Variants in MBD5 observed in about 807,000 individuals in gnomAD.
The protein encoded by MBD5 is methyl-CpG-binding domain protein 5.
A neutral mutation model predicts 117.3 loss-of-function variants in MBD5; 13 were observed. That is an observed-to-expected ratio of 0.11 (90% CI 0.07 to 0.18). The LOEUF is 0.18. Ranked by LOEUF, MBD5 falls within the 10% of genes least tolerant of loss-of-function variation. The pLI, the probability that MBD5 is intolerant of heterozygous loss-of-function variation, is 1.00. For missense variants in MBD5, 1,879 were observed against 2,093.8 expected (o/e 0.90, Z 2.00); for synonymous variants, 727 against 766.4 (o/e 0.95, Z 0.85).
At chr2:148,210,934 A>C (rs1157706350) in intron 2 of MBD5, among the ~76,000 whole-genome samples, 1 of 152,102 alleles carries the variant, frequency 6.6e-6, no homozygotes, top group Non-Finnish European at 1.5e-5. Flanking sequence ...AGAGAAGATT[A>C]TGTGATTGTA....
chr2:148,279,029 G>T (rs922736142), intron 3 of MBD5, among the ~76,000 whole-genome samples: 1 of 152,152 alleles, frequency 6.6e-6, no homozygotes, highest in African/African-American at 2.4e-5. Context: ...ATTGGATGGT[G>T]CCCACCCATG....
At chr2:148,315,244 A>G (rs1364497526) in intron 3 of MBD5, among the ~76,000 whole-genome samples, 1 of 152,182 alleles carries the variant, frequency 6.6e-6, no homozygotes, top group African/African-American at 2.4e-5. Flanking sequence ...TACCTTGCTG[A>G]AATCCCTCTT....
At chr2:148,196,830 G>C (rs1699001048) in intron 2 of MBD5, among the ~76,000 whole-genome samples, 1 of 151,704 alleles carries the variant, frequency 6.6e-6, no homozygotes, top group Non-Finnish European at 1.5e-5. Flanking sequence ...AGCAAAGGGA[G>C]TGGGGGTGCC....
intron 10 of MBD5, among the ~76,000 whole-genome samples, chr2:148,488,593 A>G (rs905287230): frequency 4.8e-5 from 7 of 145,972 alleles, no homozygotes; most frequent in African/African-American, 1.8e-4. Flanking sequence ...ATCATTGTGG[A>G]AAAAAATCTG....
At chr2:148,172,296 C>T (rs752560670) in intron 1 of MBD5, among the ~76,000 whole-genome samples, 2 of 152,248 alleles carry the variant, frequency 1.3e-5, no homozygotes, top group African/African-American at 4.8e-5. Flanking sequence ...GACACCTGCT[C>T]CTGCTGCCTG....
At chr2:148,033,497 G>A (rs1694099101) in intron 1 of MBD5, among the ~76,000 whole-genome samples, 1 of 152,042 alleles carries the variant, frequency 6.6e-6, no homozygotes, top group African/African-American at 2.4e-5. Flanking sequence ...TAAGTTTTAA[G>A]CCTCTTTGGA....
intron 4 of MBD5, among the ~76,000 whole-genome samples, chr2:148,365,331 G>A (rs1223279791): frequency 6.6e-6 from 1 of 152,094 alleles, no homozygotes; most frequent in Non-Finnish European, 1.5e-5. Flanking sequence ...CTGAGACACA[G>A]CCAAAGCAGT....
At chr2:148,071,724 A>C (rs1301024444) in intron 1 of MBD5, 2 of 152,192 alleles carry the variant, frequency 1.3e-5, no homozygotes, top group Non-Finnish European at 2.9e-5. Flanking sequence ...TGTCTTTAGA[A>C]TGCGTTCTGT....
At chr2:148,279,019 A>G (rs1163711657) in intron 3 of MBD5, among the ~76,000 whole-genome samples, 1 of 152,160 alleles carries the variant, frequency 6.6e-6, no homozygotes, top group Non-Finnish European at 1.5e-5. Context: ...CCCCCAAGCG[A>G]TTGGATGGTG....
At chr2:148,509,382 A>G (rs1279572521) in intron 12 of MBD5, among the ~76,000 whole-genome samples, 1 of 152,214 alleles carries the variant, frequency 6.6e-6, no homozygotes, top group Non-Finnish European at 1.5e-5. Flanking sequence ...TTCGGGCCAA[A>G]CATGTGTAAT....
At chr2:148,285,046 A>G (rs1701338558) in intron 3 of MBD5, among the ~76,000 whole-genome samples, 1 of 152,216 alleles carries the variant, frequency 6.6e-6, no homozygotes, top group Admixed American at 6.5e-5. Flanking sequence ...GGACCACAGC[A>G]GCTGTCTGGT....
intron 1 of MBD5, among the ~76,000 whole-genome samples, chr2:148,156,102 C>G (rs1423194079): frequency 1.3e-5 from 2 of 152,204 alleles, no homozygotes; most frequent in Non-Finnish European, 2.9e-5. Flanking sequence ...CCAGATCATA[C>G]ATGATATCTT....
chr2:148,180,688 G>A (rs986538640), intron 2 of MBD5, among the ~76,000 whole-genome samples: 9 of 151,732 alleles, frequency 5.9e-5, no homozygotes, highest in African/African-American at 1.9e-4. Flanking sequence ...GTGCCACCTC[G>A]CCCGGCATCT....
intron 4 of MBD5, among the ~76,000 whole-genome samples, chr2:148,349,877 A>G (rs1214858314): frequency 2.6e-5 from 4 of 152,038 alleles, no homozygotes; most frequent in African/African-American, 7.2e-5. Flanking sequence ...TTTTGGGGTT[A>G]CAATTTTCAC....
intron 4 of MBD5, among the ~76,000 whole-genome samples, chr2:148,437,499 A>C (rs1047497831): frequency 1.3e-5 from 2 of 152,154 alleles, no homozygotes; most frequent in Admixed American, 1.3e-4. Context: ...GAAAGTTACT[A>C]TCTCAAAAGA....
chr2:148,509,910 G>T, intron 12 of MBD5, 150 bp from the exon 13 acceptor site: 2 of 677,940 alleles, frequency 3.0e-6, no homozygotes, highest in South Asian at 3.3e-5. Context: ...AAGAATCCCA[G>T]AGTGATGTTT....
At chr2:148,110,383 A>C (rs1696478804) in intron 1 of MBD5, among the ~76,000 whole-genome samples, 1 of 152,180 alleles carries the variant, frequency 6.6e-6, no homozygotes, top group South Asian at 2.1e-4. Context: ...GTTAGTTTGC[A>C]TTAATTCTCT....
intron 3 of MBD5, among the ~76,000 whole-genome samples, chr2:148,266,032 A>C (rs1700851035): frequency 6.6e-6 from 1 of 152,162 alleles, no homozygotes; most frequent in Non-Finnish European, 1.5e-5. Flanking sequence ...TGTTTCAAGA[A>C]AAGAGGGAAA....
chr2:148,153,263 T>C (rs1697744663), intron 1 of MBD5, among the ~76,000 whole-genome samples: 1 of 151,994 alleles, frequency 6.6e-6, no homozygotes, highest in African/African-American at 2.4e-5. Flanking sequence ...TGTTGAATAT[T>C]GGCCCCCACT....
Sources: gnomAD v4.1 joint callset for allele counts (sites outside exome capture counted in the v4.1 genomes callset) on GRCh38, gnomAD v4.1.1 for gene constraint, MANE v1.5 for transcripts, NCBI Gene and HGNC (gene_info 2026-07-23, HGNC 2026-07-21) for gene names.